The following SPARCL1 variants were observed in gnomAD, a reference collection of about 807,000 sequenced individuals.
The protein encoded by SPARCL1 is SPARC like 1, also known as SPARC-like protein 1.
A neutral mutation model predicts 67.1 loss-of-function variants in SPARCL1; 52 were observed. The ratio of observed to expected loss-of-function variants is 0.78; its 90% CI spans 0.62 to 0.98. The LOEUF (loss-of-function observed/expected upper bound fraction) is 0.98, where lower values mean the gene tolerates loss of function less well. Among genes scored for constraint, SPARCL1 ranks in the 50% least tolerant of loss-of-function variants. SPARCL1 has a pLI of 0.00. For synonymous variants in SPARCL1, 226 were observed against 267.8 expected, an observed-to-expected ratio of 0.84 and a Z score of 1.52; for missense variants, 717 against 782.4, an observed-to-expected ratio of 0.92 and a Z score of 1.00.
chr4:87,483,920 T>G (rs949786451), intron 7 of SPARCL1, among the ~76,000 whole-genome samples: 1 of 152,208 alleles, frequency 6.6e-6, no homozygotes, highest in Non-Finnish European at 1.5e-5. Context: ...TTCACCCACT[T>G]TTTGATGGGG....
At chr4:87,508,010 CACCCTCTAGG>C (rs1725174803) in intron 1 of SPARCL1, among the ~76,000 whole-genome samples, 1 of 152,244 alleles carries the variant, frequency 6.6e-6, no homozygotes, top group African/African-American at 2.4e-5. Context: ...CCCCGGAACA[CACCCTCTAGG>C]AACCTCCATA....
intron 1 of SPARCL1, among the ~76,000 whole-genome samples, chr4:87,504,619 G>A (rs1724997463): frequency 6.6e-6 from 1 of 152,056 alleles, no homozygotes; most frequent in African/African-American, 2.4e-5. Flanking sequence ...TAGATTTCCT[G>A]GCTCCCACTC....
intron 1 of SPARCL1, among the ~76,000 whole-genome samples, chr4:87,512,332 G>C (rs200103027): frequency 6.6e-6 from 1 of 152,124 alleles, no homozygotes; most frequent in Admixed American, 6.5e-5. Context: ...AAGATAAAGG[G>C]TAAGAGAGGA....
intron 1 of SPARCL1, among the ~76,000 whole-genome samples, chr4:87,518,075 A>G (rs1725657341): frequency 6.6e-6 from 1 of 152,208 alleles, no homozygotes; most frequent in African/African-American, 2.4e-5. Flanking sequence ...CAGTGGTGCA[A>G]AGTTACTTAT....
chr4:87,527,013 G>A (rs571610556), intron 1 of SPARCL1, among the ~76,000 whole-genome samples: 2 of 152,256 alleles, frequency 1.3e-5, no homozygotes, highest in South Asian at 2.1e-4. Context: ...TATAAACCAC[G>A]GTCTTATATA....
intron 1 of SPARCL1, among the ~76,000 whole-genome samples, chr4:87,520,647 G>T (rs1725773062): frequency 6.6e-6 from 1 of 151,476 alleles, no homozygotes; most frequent in Non-Finnish European, 1.5e-5. Flanking sequence ...GTATCAAAAA[G>T]ATTGGCTTTC....
Position 87,494,568 on chromosome 4 carries a change from C to T in SPARCL1, c.232G>A (p.Glu78Lys). The T allele has an allele frequency of 6.2e-7, 1 of 1,609,662 alleles. No homozygotes were observed. The highest frequency in any genetic ancestry group is 8.5e-7 in the Non-Finnish European group (1 of 1,178,850). Residue 78 changes from glutamate (E) to lysine (K), a missense_variant, in exon 4 of 11, where the codon GAG becomes AAG. Coordinates refer to ENST00000282470, the MANE Select transcript of SPARCL1 (RefSeq NM_004684.6). ...TCTGCTGACTGTTCATGGCTTTCCT[C>T]TTTTGACTTTAGTACTGATGATTTT... ...AEKSSVLKSK[E>K]ESHEQSAEQG...
chr4:87,500,831 T>C (rs552557782), intron 1 of SPARCL1, among the ~76,000 whole-genome samples: 1 of 152,278 alleles, frequency 6.6e-6, no homozygotes, highest in Non-Finnish European at 1.5e-5. Flanking sequence ...TCTTCCTCCT[T>C]TCTCTTCCTA....
At chr4:87,488,965 A>T (rs1371024809) in intron 7 of SPARCL1, among the ~76,000 whole-genome samples, 1 of 152,164 alleles carries the variant, frequency 6.6e-6, no homozygotes, top group Non-Finnish European at 1.5e-5. Context: ...ATCCCAGGTC[A>T]ACTTCAGACT....
intron 2 of SPARCL1, 126 bp downstream of exon 2, chr4:87,499,395 A>G (rs976369162): frequency 1.0e-5 from 9 of 867,186 alleles, no homozygotes; most frequent in Admixed American, 5.7e-5. Flanking sequence ...CTTGGGCAAT[A>G]AAGAATATAA....
intron 8 of SPARCL1, 114 bp from the exon 9 acceptor site, chr4:87,480,634 C>G (rs1050147828): frequency 3.1e-5 from 29 of 930,936 alleles, no homozygotes; most frequent in Non-Finnish European, 4.1e-5. Context: ...AAAACAAGCT[C>G]AGGACATCAT....
intron 9 of SPARCL1, among the ~76,000 whole-genome samples, chr4:87,479,861 T>C (rs901595796): frequency 1.3e-5 from 2 of 152,190 alleles, no homozygotes; most frequent in Admixed American, 6.5e-5. Flanking sequence ...GGTTCTCATC[T>C]ACTGGCCATA....
At chr4:87,500,124 C>G (rs891966670) in intron 1 of SPARCL1, among the ~76,000 whole-genome samples, 1 of 152,148 alleles carries the variant, frequency 6.6e-6, no homozygotes, top group African/African-American at 2.4e-5. Context: ...GCATTTTAAA[C>G]TAGTATTTTA....
chr4:87,520,472 G>A (rs1006476088), intron 1 of SPARCL1, among the ~76,000 whole-genome samples: 1 of 152,136 alleles, frequency 6.6e-6, no homozygotes, highest in Non-Finnish European at 1.5e-5. Flanking sequence ...AATCAGATAT[G>A]AAAACGTTTT....
At chr4:87,511,848 T>G (rs1314757961) in intron 1 of SPARCL1, among the ~76,000 whole-genome samples, 1 of 151,974 alleles carries the variant, frequency 6.6e-6, no homozygotes, top group Non-Finnish European at 1.5e-5. Context: ...TAAAAATGAT[T>G]GGCTGTGCAA....
At chr4:87,508,337 A>G (rs1167155441) in intron 1 of SPARCL1, among the ~76,000 whole-genome samples, 1 of 151,816 alleles carries the variant, frequency 6.6e-6, no homozygotes, top group Non-Finnish European at 1.5e-5. Flanking sequence ...TTGAGGTTAC[A>G]GGTGATTGCC....
intron 1 of SPARCL1, chr4:87,528,644 C>T (rs1471217121): frequency 6.6e-6 from 1 of 152,082 alleles, no homozygotes; most frequent in African/African-American, 2.4e-5. Flanking sequence ...GGAAAACATA[C>T]AAATTATTTG....
At chr4:87,495,238 C>T in intron 2 of SPARCL1, 111 bp from the exon 3 acceptor site, 1 of 860,120 alleles carries the variant, frequency 1.2e-6, no homozygotes, top group South Asian at 1.6e-5. Context: ...TCATTTATAC[C>T]AACAATTTAA....
chr4:87,485,957 TC>T lies in SPARCL1; in HGVS notation c.1532-3398del, dbSNP rs1325200984. On this transcript the variant is annotated intron_variant, in intron 7 of 10. Transcript: ENST00000282470. ...TGTATCTATTTGATTCTTCTCTCTT[TC>T]CTTCTCTATTAGTCTGGCTAGCTGT... Among the ~76,000 whole-genome samples the T allele has an allele frequency of 2.2e-4, 33 of 152,280 alleles. No homozygotes were observed. In the East Asian group the frequency reaches 6.2e-3, roughly 28 times the overall value.
Sources: allele counts gnomAD v4.1 joint callset (sites outside exome capture counted in the v4.1 genomes callset), GRCh38; gene constraint gnomAD v4.1.1; transcripts MANE v1.5; gene names NCBI Gene and HGNC (gene_info 2026-07-23, HGNC 2026-07-21).